CDC42BPA: variants seen among roughly 807,000 people sequenced by gnomAD.
The protein encoded by CDC42BPA is serine/threonine-protein kinase MRCK alpha.
A neutral mutation model predicts 223.5 loss-of-function variants in CDC42BPA; 80 were observed. That is an observed-to-expected ratio of 0.36 (90% CI 0.30 to 0.43). CDC42BPA has a LOEUF of 0.43. CDC42BPA is among the 20% of genes least tolerant of loss of function. The pLI, the probability that CDC42BPA is intolerant of heterozygous loss-of-function variation, is 1.00. For missense variants in CDC42BPA, 1,743 were observed against 2,099.9 expected (o/e 0.83, Z 3.32); for synonymous variants, 694 against 718.6 (o/e 0.97, Z 0.55).
Position 226,990,883 on chromosome 1 carries a change from A to T in CDC42BPA, c.*3385T>A, listed in dbSNP as rs1660656344. 6.6e-6 allele frequency: 1 copy of T among 152,644 alleles called. No homozygotes were observed. The highest frequency in any genetic ancestry group is 6.5e-5 in the Admixed American group (1 of 15,292). The allele number at this position is 152,644 out of a possible 1,614,324, so 9.5% of individuals were successfully genotyped here. A position where few individuals can be genotyped will look rare whatever the true frequency, so the allele number is the denominator to read the frequency against. On this transcript the variant is annotated 3_prime_UTR_variant, in exon 37 of 37. Transcript: ENST00000366766. ...ACAGGAATTTCAGATTCTCCCCTGA[A>T]ATGTGAGTACAATAATTGGCTGGAA... is the stretch of plus-strand genomic sequence containing the variant.
chr1:227,149,409 T>C (rs564803457), intron 6 of CDC42BPA, among the ~76,000 whole-genome samples: 43 of 152,234 alleles, frequency 2.8e-4, no homozygotes, highest in African/African-American at 1.0e-3. Flanking sequence ...TTCTTAAACA[T>C]AAAATCTTGC....
chr1:227,153,510 C>T (rs530518372), intron 6 of CDC42BPA, among the ~76,000 whole-genome samples: 45 of 151,566 alleles, frequency 3.0e-4, no homozygotes, highest in African/African-American at 1.0e-3. Context: ...TCAAAACTTA[C>T]GAAGGAAAAG....
chr1:227,049,906 CTT>C (rs1673193100), intron 22 of CDC42BPA, among the ~76,000 whole-genome samples: 1 of 151,914 alleles, frequency 6.6e-6, no homozygotes, highest in Admixed American at 6.6e-5. Flanking sequence ...AATTTAAAAA[CTT>C]TTAGAAGAAA....
chr1:227,251,227 A>G (rs893920028), intron 2 of CDC42BPA, among the ~76,000 whole-genome samples: 1 of 141,510 alleles, frequency 7.1e-6, no homozygotes, highest in African/African-American at 2.5e-5. Context: ...AATATATGAC[A>G]GCAATGAAAA....
At chr1:227,093,356 T>G (rs890548646) in intron 15 of CDC42BPA, among the ~76,000 whole-genome samples, 1 of 152,196 alleles carries the variant, frequency 6.6e-6, no homozygotes, top group Non-Finnish European at 1.5e-5. Flanking sequence ...GGGTGTGGAT[T>G]CAGAATGAGT....
chr1:227,108,754 CA>C (rs1686371141), intron 14 of CDC42BPA, among the ~76,000 whole-genome samples: 3 of 152,168 alleles, frequency 2.0e-5, no homozygotes, highest in African/African-American at 7.2e-5. Flanking sequence ...CTCTAGATTA[CA>C]GTCACATATT....
At chr1:227,254,210 G>T (rs1374650408) in intron 1 of CDC42BPA, 55 bp from the exon 2 acceptor site, 2 of 899,144 alleles carry the variant, frequency 2.2e-6, no homozygotes, top group South Asian at 1.5e-5. Context: ...ATGCAAATTA[G>T]ATATAAATAA....
At chr1:227,210,518 T>C (rs1181223846) in intron 3 of CDC42BPA, among the ~76,000 whole-genome samples, 4 of 152,196 alleles carry the variant, frequency 2.6e-5, no homozygotes, top group Admixed American at 2.6e-4. Flanking sequence ...ACAGAATATA[T>C]AAATACTTGT....
At chr1:227,226,607 C>G (rs902234661) in intron 2 of CDC42BPA, among the ~76,000 whole-genome samples, 6 of 152,144 alleles carry the variant, frequency 3.9e-5, no homozygotes, top group African/African-American at 1.2e-4. Context: ...AGAACCTCAG[C>G]TGCGAAGACC....
intron 11 of CDC42BPA, among the ~76,000 whole-genome samples, chr1:227,121,802 CTTT>C (rs11327691): frequency 8.9e-5 from 12 of 134,086 alleles, no homozygotes; most frequent in Admixed American, 1.5e-4. Flanking sequence ...TCTTTTTTTT[CTTT>C]TTTTTTTTTT....
At chr1:227,049,442 T>C (rs866030843) in intron 22 of CDC42BPA, among the ~76,000 whole-genome samples, 1 of 152,226 alleles carries the variant, frequency 6.6e-6, no homozygotes, top group Middle Eastern at 3.4e-3. Flanking sequence ...CTAATATGTA[T>C]ACCATGTTCA....
chr1:226,995,077 GC>G (rs945872858), intron 35 of CDC42BPA, 97 bp from the exon 36 acceptor site: 21 of 1,092,942 alleles, frequency 1.9e-5, no homozygotes, highest in Non-Finnish European at 2.8e-5. Flanking sequence ...TCCTTTGCAG[GC>G]CCCAGACCAC....
Position 227,143,343 on chromosome 1 carries a change from G to C in CDC42BPA, c.1144-319C>G, listed in dbSNP as rs888978444. ...TGTAAACCCCAAATCAATACTTGTG[G>C]TAATTTTATGATCATTTGTAGACAC... On this transcript the variant is annotated intron_variant, in intron 8 of 36. Transcript: ENST00000366766. 2.0e-5 allele frequency among the ~76,000 whole-genome samples: 3 copies of C among 152,266 alleles called. No homozygotes were observed. The East Asian group carries it at 5.8e-4, about 29-fold the overall frequency.
Position 227,033,360 on chromosome 1 carries a change from G to C in CDC42BPA, c.3532C>G (p.Arg1178Gly). The C allele has an allele frequency of 1.9e-6, 3 of 1,612,346 alleles. No individual in the cohort carries two copies. Among genetic ancestry groups the C allele is most frequent in the Non-Finnish European group, 2.5e-6 (3 of 1,178,546 alleles). ...VLASDVIHAS[R>G]KDIPCIFRVT... ...CTAAATATACAGGGTATATCTTTCC[G>C]ACTTGCATGGATAACATCAGAAGCC... The change falls in exon 27 of 37, where the codon CGG becomes GGG. Residue 1178 changes from arginine (R) to glycine (G), a missense_variant. Physicochemically the swap from Arg to Gly is moderately radical, Grantham distance 125. Transcript: ENST00000366766.
At chr1:227,037,420 C>T (rs1357052500) in intron 24 of CDC42BPA, among the ~76,000 whole-genome samples, 1 of 152,184 alleles carries the variant, frequency 6.6e-6, no homozygotes, top group Non-Finnish European at 1.5e-5. Context: ...GCTTTCTTAA[C>T]CCTGAACATT....
intron 35 of CDC42BPA, among the ~76,000 whole-genome samples, chr1:227,003,276 A>G (rs1194135674): frequency 6.6e-6 from 1 of 152,208 alleles, no homozygotes; most frequent in Non-Finnish European, 1.5e-5. Context: ...ACTTTCTCTT[A>G]AAGTTCATTT....
chr1:227,194,332 C>T (rs934647707), intron 4 of CDC42BPA, among the ~76,000 whole-genome samples: 1 of 152,108 alleles, frequency 6.6e-6, no homozygotes, highest in Non-Finnish European at 1.5e-5. Flanking sequence ...ATAGTCCCTA[C>T]ATTGAAAGAA....
intron 23 of CDC42BPA, among the ~76,000 whole-genome samples, chr1:227,040,788 T>C (rs1470366667): frequency 6.6e-6 from 1 of 152,168 alleles, no homozygotes; most frequent in Non-Finnish European, 1.5e-5. Context: ...TACACAAATA[T>C]TATTCCAGAG....
At chr1:227,298,964 A>C (rs1481321524) in intron 1 of CDC42BPA, among the ~76,000 whole-genome samples, 2 of 152,228 alleles carry the variant, frequency 1.3e-5, no homozygotes, top group Non-Finnish European at 2.9e-5. Context: ...GAGGCTGGTA[A>C]CTTTCACAAA....
Sources: gnomAD v4.1 joint callset for allele counts (sites outside exome capture counted in the v4.1 genomes callset) on GRCh38, gnomAD v4.1.1 for gene constraint, MANE v1.5 for transcripts, NCBI Gene and HGNC (gene_info 2026-07-23, HGNC 2026-07-21) for gene names.